Variants in XAB2 observed in about 807,000 individuals in gnomAD.
The protein encoded by XAB2 is pre-mRNA-splicing factor SYF1.
A neutral mutation model predicts 113.4 loss-of-function variants in XAB2; 57 were observed. The ratio of observed to expected loss-of-function variants is 0.50; its 90% CI spans 0.41 to 0.63. XAB2 has a LOEUF of 0.63. Among genes scored for constraint, XAB2 ranks in the 20% least tolerant of loss-of-function variants. XAB2 has a pLI of 0.00. For missense variants in XAB2, 1,037 were observed against 1,233.3 expected, an observed-to-expected ratio of 0.84 and a Z score of 2.38; for synonymous variants, 497 against 498.8, an observed-to-expected ratio of 1.00 and a Z score of 0.05.
In XAB2 at chr19:7,627,214, TG is replaced by T; in HGVS notation, c.522+28del. On this transcript the variant is annotated intron_variant, in intron 4 of 18. Transcript: ENST00000358368. The surrounding 1 kb of genome is among the most constrained non-coding windows in gnomAD (Gnocchi z 4.5). Reference sequence around the variant, plus strand: ...GTGAGGCCGTTTCTGGAAACTAACCTGGGGAACCAGCGCACCTGCTAGGCTC... The same window carrying T: ...GTGAGGCCGTTTCTGGAAACTAACCTGGGAACCAGCGCACCTGCTAGGCTC... 6.2e-7 allele frequency: 1 copy of T among 1,606,962 alleles called. No individual in the cohort carries two copies. The highest frequency in any genetic ancestry group is 1.1e-5 in the South Asian group (1 of 91,024).
chr19:7,621,103 G>GC (rs1416987488), intron 13 of XAB2, 32 bp downstream of exon 13: 13 of 739,132 alleles, frequency 1.8e-5, no homozygotes, highest in Admixed American at 7.7e-5. Context: ...CAGCCCGCCC[G>GC]CCACCCCCCC....
chr19:7,625,565 A>G lies in XAB2; in HGVS notation c.822+315T>C, dbSNP rs1215094846. ...GCGATCGCAGCTCACGGCAACCTCCACCTCCCAAGTTCAAGCGATTCTCCT... is the reference window on the plus strand; with the variant it reads ...GCGATCGCAGCTCACGGCAACCTCCGCCTCCCAAGTTCAAGCGATTCTCCT... On this transcript the variant is annotated intron_variant, in intron 6 of 18. Coordinates refer to ENST00000358368, the MANE Select transcript of XAB2 (RefSeq NM_020196.3). This position sits in a 1 kb window ranked among gnomAD's most constrained non-coding sequence, Gnocchi z 5.2. Among the ~76,000 whole-genome samples the G allele has an allele frequency of 3.1e-5, 4 of 129,682 alleles. No individual in the cohort carries two copies. Among genetic ancestry groups the G allele is most frequent in the Non-Finnish European group, 6.2e-5 (4 of 64,496 alleles). The allele number at this position is 129,682 out of a possible 152,430, so 85.1% of individuals were successfully genotyped here.
At chr19:7,622,259 C>G (rs529007507) in intron 12 of XAB2, 72 bp downstream of exon 12, 2 of 1,399,718 alleles carry the variant, frequency 1.4e-6, no homozygotes, top group Non-Finnish European at 2.0e-6. Flanking sequence ...CCAGCAGATT[C>G]GTAAGTTGCT....
intron 16 of XAB2, 23 bp from the exon 17 acceptor site, chr19:7,620,098 C>T (rs949675411): frequency 1.2e-6 from 2 of 1,607,576 alleles, no homozygotes; most frequent in Non-Finnish European, 1.7e-6. Flanking sequence ...AGCAGGGGGT[C>T]AGCGCCACGG....
At position 7,628,058 on chromosome 19, in the gene XAB2, CACCCGGG is replaced by C. The variant is rs947990566; in HGVS notation, c.200+85_200+91del. On this transcript the variant is annotated intron_variant, in intron 2 of 18. Coordinates refer to ENST00000358368, the MANE Select transcript of XAB2 (RefSeq NM_020196.3). This position sits in a 1 kb window ranked among gnomAD's most constrained non-coding sequence, Gnocchi z 4.6. ...GGTCAGTGATGAAACACGAAGCAATCACCCGGGACCCGGGACCCACTTGGCAGTTTTG... is the reference window on the plus strand; with the variant it reads ...GGTCAGTGATGAAACACGAAGCAATCACCCGGGACCCACTTGGCAGTTTTG... 8 of 1,517,780 alleles carry C rather than the reference CACCCGGG, an allele frequency of 5.3e-6. No homozygotes were observed. Among genetic ancestry groups the C allele is most frequent in the African/African-American group, 1.4e-5 (1 of 72,750 alleles). 94.0% of individuals were successfully genotyped at this position (1,517,780 alleles called of 1,614,324 possible).
At position 7,623,969 on chromosome 19, in the gene XAB2, C is replaced by T. The variant is rs932228510; in HGVS notation, c.968-87G>A. 59 of 1,429,452 alleles carry T rather than the reference C, an allele frequency of 4.1e-5. No homozygotes were observed. The highest frequency in any genetic ancestry group is 7.0e-5 in the South Asian group (5 of 71,842). 88.5% of individuals were successfully genotyped at this position (1,429,452 alleles called of 1,614,324 possible). On this transcript the variant is annotated intron_variant, in intron 7 of 18. Transcript: ENST00000358368. This position sits in a 1 kb window ranked among gnomAD's most constrained non-coding sequence, Gnocchi z 4.6. Reference sequence around the variant, plus strand: ...CCGCCTCCACTCCCCACCCTCACTCCGCTCCAGCCCCCAGCCAAGTGCTCT... The same window carrying T: ...CCGCCTCCACTCCCCACCCTCACTCTGCTCCAGCCCCCAGCCAAGTGCTCT...
rs1599372707 is a variant in XAB2, at chr19:7,624,926, A to C, written c.823-481T>G. Among the ~76,000 whole-genome samples the C allele has an allele frequency of 6.6e-6, 1 of 151,372 alleles. No homozygotes were observed. The highest frequency in any genetic ancestry group is 3.4e-3 in the Middle Eastern group (1 of 294). On this transcript the variant is annotated intron_variant, in intron 6 of 18. Transcript: ENST00000358368. The surrounding 1 kb of genome is among the most constrained non-coding windows in gnomAD (Gnocchi z 4.2). Reference sequence around the variant, plus strand: ...ACCCCAGCTCAGGTCCCCTCTCTCTACCCAGCCCTGACGGGTCTTGCCCTG... The same window carrying C: ...ACCCCAGCTCAGGTCCCCTCTCTCTCCCCAGCCCTGACGGGTCTTGCCCTG...
Position 7,622,633 on chromosome 19 carries a change from G to C in XAB2, c.1400C>G (p.Ala467Gly). The change falls in exon 11 of 19, where the codon GCC (alanine) becomes GGC (glycine). Residue 467 changes from alanine to glycine, a missense_variant. Ala to Gly is a moderately conservative substitution (Grantham distance 60). Transcript: ENST00000358368. ...GGGCTCTGAACCATCAAAGTACTCGGCCCGGCGGGCAGGCAGCGCCGTGGC... is the reference window on the plus strand; with the variant it reads ...GGGCTCTGAACCATCAAAGTACTCGCCCCGGCGGGCAGGCAGCGCCGTGGC... ...RKATALPARR[A>G]EYFDGSEPVQ... is the part of the protein sequence containing the mutation. 1 of 1,611,718 alleles carries C rather than the reference G, an allele frequency of 6.2e-7. No homozygotes were observed. The highest frequency in any genetic ancestry group is 8.5e-7 in the Non-Finnish European group (1 of 1,179,986).
In XAB2 at chr19:7,624,399, C is replaced by T. The variant is rs771246132; in HGVS notation, c.869G>A (p.Arg290Gln). The stretch of plus-strand genomic sequence containing the variant: ...GCTGTCAAACACCTGTGTGAAGTCC[C>T]GCACGGTCATCACTGTCCGGATGGC... Reference protein sequence around the residue: ...EEAIRTVMTVRDFTQVFDSYA... With the variant: ...EEAIRTVMTVQDFTQVFDSYA... Residue 290 changes from arginine (R) to glutamine (Q), a missense_variant, in exon 7 of 19, where the codon CGG (arginine) becomes CAG (glutamine). Coordinates refer to ENST00000358368, the MANE Select transcript of XAB2 (RefSeq NM_020196.3). This position sits in a 1 kb window ranked among gnomAD's most constrained non-coding sequence, Gnocchi z 4.2. 5.0e-6 allele frequency: 8 copies of T among 1,614,134 alleles called. No individual in the cohort carries two copies. Among genetic ancestry groups the T allele is most frequent in the Admixed American group, 3.3e-5 (2 of 60,034 alleles).
At position 7,628,109 on chromosome 19, in the gene XAB2, G is replaced by A. The variant is rs2031180230; in HGVS notation, c.200+41C>T. 1.9e-6 allele frequency: 3 copies of A among 1,591,806 alleles called. No individual in the cohort carries two copies. Among genetic ancestry groups the A allele is most frequent in the Non-Finnish European group, 2.6e-6 (3 of 1,169,254 alleles). ...AGTTTTGTTATAACTGGACCAGGTGGGGTGGGGGCTGGTGGGCAGGGCAGC... is the reference window on the plus strand; with the variant it reads ...AGTTTTGTTATAACTGGACCAGGTGAGGTGGGGGCTGGTGGGCAGGGCAGC... On this transcript the variant is annotated intron_variant, in intron 2 of 18. Transcript: ENST00000358368. The surrounding 1 kb of genome is among the most constrained non-coding windows in gnomAD (Gnocchi z 4.6).
chr19:7,625,876 G>T lies in XAB2; in HGVS notation c.822+4C>A. ...AACCCAGAGCCCCGTGTGCCAGCAT[G>T]CACCTTCTCGAAATGGCCGCTGCGG... On this transcript the variant is annotated splice_donor_region_variant and intron_variant, in intron 6 of 18. Transcript: ENST00000358368. This position sits in a 1 kb window ranked among gnomAD's most constrained non-coding sequence, Gnocchi z 5.2. 1 of 1,600,552 alleles carries T rather than the reference G, an allele frequency of 6.2e-7. No individual in the cohort carries two copies. The highest frequency in any genetic ancestry group is 8.5e-7 in the Non-Finnish European group (1 of 1,170,794).
Position 7,622,317 on chromosome 19 carries a change from C to A in XAB2, c.1617+14G>T. ...CTGCCATCAGGGGCCTCTGGGTCCACCCTAGCCCCTCACCTTGAAGCTCTC... is the reference window on the plus strand; with the variant it reads ...CTGCCATCAGGGGCCTCTGGGTCCAACCTAGCCCCTCACCTTGAAGCTCTC... On this transcript the variant is annotated intron_variant, in intron 12 of 18. Transcript: ENST00000358368. The A allele has an allele frequency of 6.2e-7, 1 of 1,613,864 alleles. No individual in the cohort carries two copies. The highest frequency in any genetic ancestry group is 8.5e-7 in the Non-Finnish European group (1 of 1,179,842).
rs1194007900 is a variant in XAB2 at position 7,624,271 on chromosome 19, C to A, written c.967+30G>T. ...ACCGCTAATGTCCACTCAGCTCTCT[C>A]CCCACCAGCCGGGGCCCCCAGAGGC... is the stretch of plus-strand genomic sequence containing the variant. On this transcript the variant is annotated intron_variant, in intron 7 of 18. Coordinates refer to ENST00000358368, the MANE Select transcript of XAB2 (RefSeq NM_020196.3). This position sits in a 1 kb window ranked among gnomAD's most constrained non-coding sequence, Gnocchi z 4.2. The A allele has an allele frequency of 6.2e-7, 1 of 1,610,274 alleles. No homozygotes were observed. Among genetic ancestry groups the A allele is most frequent in the Non-Finnish European group, 8.5e-7 (1 of 1,179,964 alleles).
At position 7,622,778 on chromosome 19, in the gene XAB2, G is replaced by C. The variant is rs1277054671; in HGVS notation, c.1355C>G (p.Ala452Gly). ...TGTTCTCACTCGCAGCAGCCGCAAGGCCTCATCGTAGTTCTCGTGTCGGAG... is the reference window on the plus strand; with the variant it reads ...TGTTCTCACTCGCAGCAGCCGCAAGCCCTCATCGTAGTTCTCGTGTCGGAG... ...LELRHENYDE[A>G]LRLLRKATAL... The change falls in exon 10 of 19, where the codon GCC (alanine) becomes GGC (glycine). Residue 452 changes from alanine (A) to glycine (G), a missense_variant. Coordinates refer to ENST00000358368, the MANE Select transcript of XAB2 (RefSeq NM_020196.3). The C allele has an allele frequency of 6.2e-7, 1 of 1,614,096 alleles. No individual in the cohort carries two copies. Among genetic ancestry groups the C allele is most frequent in the Non-Finnish European group, 8.5e-7 (1 of 1,180,034 alleles).
At position 7,625,343 on chromosome 19, in the gene XAB2, G is replaced by A. The variant is rs942014237; in HGVS notation, c.822+537C>T. 6.6e-6 allele frequency among the ~76,000 whole-genome samples: 1 copy of A among 152,214 alleles called. No homozygotes were observed. Among genetic ancestry groups the A allele is most frequent in the Non-Finnish European group, 1.5e-5 (1 of 68,042 alleles). ...ACCTTAGTGGGGCCAAGGCCGCAGA[G>A]CCAGAGGGTGAACCCTGAACGCAAA... On this transcript the variant is annotated intron_variant, in intron 6 of 18. Coordinates refer to ENST00000358368, the MANE Select transcript of XAB2 (RefSeq NM_020196.3). This position sits in a 1 kb window ranked among gnomAD's most constrained non-coding sequence, Gnocchi z 5.2.
chr19:7,627,172 G>A lies in XAB2; in HGVS notation c.522+71C>T, dbSNP rs794084. 0.58 allele frequency: 900,818 copies of A among 1,542,174 alleles called. 266,341 individuals carry two copies. The highest frequency in any genetic ancestry group is 0.61 in the Non-Finnish European group (686,887 of 1,130,396). On this transcript the variant is annotated intron_variant, in intron 4 of 18. Coordinates refer to ENST00000358368, the MANE Select transcript of XAB2 (RefSeq NM_020196.3). The surrounding 1 kb of genome is among the most constrained non-coding windows in gnomAD (Gnocchi z 4.5). ...TCCCGTCTGCTGGGTGACATCCTACGCGGAGCTAGTGTCACAGTGAGGCCG... is the reference window on the plus strand; with the variant it reads ...TCCCGTCTGCTGGGTGACATCCTACACGGAGCTAGTGTCACAGTGAGGCCG...
At position 7,628,266 on chromosome 19, in the gene XAB2, G is replaced by T; in HGVS notation, c.84C>A (p.Ile28=). 12 of 1,614,128 alleles carry T rather than the reference G, an allele frequency of 7.4e-6. No homozygotes were observed. Among genetic ancestry groups the T allele is most frequent in the Non-Finnish European group, 1.0e-5 (12 of 1,180,022 alleles). The change falls in exon 2 of 19, where the codon ATC becomes ATA. Residue 28 remains isoleucine (I), a synonymous_variant. Coordinates refer to ENST00000358368, the MANE Select transcript of XAB2 (RefSeq NM_020196.3). This position sits in a 1 kb window ranked among gnomAD's most constrained non-coding sequence, Gnocchi z 4.6. ...ATTTGACAGAGAATTGGTTCCGCAT[G>T]ATTTCCTCCTCATAGGGGAGGTCCT... ...EEEDLPYEEE[I]MRNQFSVKCW... is the part of the protein sequence containing the mutation.
chr19:7,623,380 AG>A lies in XAB2; in HGVS notation c.1120-92del. ...TGTGGCTCTGAGGGGTGGGGCCTGG[AG>A]GGTGCTGTGGCCCCTGTCGGGAGAG... On this transcript the variant is annotated intron_variant, in intron 8 of 18. Coordinates refer to ENST00000358368, the MANE Select transcript of XAB2 (RefSeq NM_020196.3). This position sits in a 1 kb window ranked among gnomAD's most constrained non-coding sequence, Gnocchi z 4.6. The A allele has an allele frequency of 6.5e-7, 1 of 1,543,794 alleles. No homozygotes were observed. Among genetic ancestry groups the A allele is most frequent in the Non-Finnish European group, 8.8e-7 (1 of 1,136,668 alleles).
intron 12 of XAB2, 151 bp from the exon 13 acceptor site, chr19:7,621,448 T>A: frequency 1.2e-6 from 1 of 804,862 alleles, no homozygotes; most frequent in East Asian, 2.6e-5. Flanking sequence ...ATGGCAGTTG[T>A]GGGGGTCTGT....
Sources: gnomAD v4.1 joint callset for allele counts (sites outside exome capture counted in the v4.1 genomes callset) on GRCh38, gnomAD v4.1.1 for gene constraint, Gnocchi (gnomAD v3.1) non-coding constraint, MANE v1.5 for transcripts, NCBI Gene and HGNC (gene_info 2026-07-23, HGNC 2026-07-21) for gene names.